The following ATP8A2 variants were observed in gnomAD, a reference collection of about 807,000 sequenced individuals.
The protein encoded by ATP8A2 is ATPase phospholipid transporting 8A2.
Under a neutral mutation model 165.6 loss-of-function variants are expected in ATP8A2, and 100 were observed. The ratio of observed to expected loss-of-function variants is 0.60; its 90% confidence interval spans 0.51 to 0.71. The LOEUF (loss-of-function observed/expected upper bound fraction) is 0.71. Ranked by LOEUF, ATP8A2 falls within the 30% of genes least tolerant of loss-of-function variation. The pLI, the probability that ATP8A2 is intolerant of heterozygous loss-of-function variation, is 0.00. For missense variants in ATP8A2, 1,227 were observed against 1,479.5 expected, an observed-to-expected ratio of 0.83 and a Z score of 2.80; for synonymous variants, 543 against 548.8, an observed-to-expected ratio of 0.99 and a Z score of 0.15.
At chr13:25,489,533 C>T (rs1401652767) in intron 2 of ATP8A2, among the ~76,000 whole-genome samples, 1 of 152,222 alleles carries the variant, frequency 6.6e-6, no homozygotes, top group South Asian at 2.1e-4. Context: ...GACTCTCCTG[C>T]TCTGCTGTGT....
At chr13:25,627,978 G>A (rs1300796587) in intron 24 of ATP8A2, among the ~76,000 whole-genome samples, 1 of 152,174 alleles carries the variant, frequency 6.6e-6, no homozygotes. Context: ...CTGAGTCTAT[G>A]GCTTGGGCTG....
At chr13:25,646,609 C>T (rs926402813) in intron 24 of ATP8A2, among the ~76,000 whole-genome samples, 8 of 141,018 alleles carry the variant, frequency 5.7e-5, no homozygotes, top group Admixed American at 1.5e-4. Context: ...GAGCCAAGAT[C>T]GTGCCTCTGT....
chr13:25,420,517 A>G (rs556367447), intron 1 of ATP8A2, among the ~76,000 whole-genome samples: 32 of 152,350 alleles, frequency 2.1e-4, no homozygotes, highest in African/African-American at 7.2e-4. Flanking sequence ...TTTGGTGACT[A>G]CAAAATAAAA....
At chr13:25,488,878 C>G (rs564357279) in intron 2 of ATP8A2, among the ~76,000 whole-genome samples, 269 of 111,638 alleles carry the variant, frequency 2.4e-3, no homozygotes, top group South Asian at 0.016. Flanking sequence ...CCCCACCCCC[C>G]ACCCCCCATT....
chr13:25,518,361 C>A (rs1007785436), intron 2 of ATP8A2, among the ~76,000 whole-genome samples: 2 of 152,070 alleles, frequency 1.3e-5, no homozygotes, highest in Admixed American at 6.6e-5. Flanking sequence ...CCGGTGGGGA[C>A]GCTTAAAGCC....
At chr13:25,771,621 T>G (rs2044621178) in intron 26 of ATP8A2, among the ~76,000 whole-genome samples, 1 of 152,220 alleles carries the variant, frequency 6.6e-6, no homozygotes, top group African/African-American at 2.4e-5. Context: ...GGAGCGAGGC[T>G]TTAAAACGCC....
intron 25 of ATP8A2, among the ~76,000 whole-genome samples, chr13:25,744,957 G>T (rs1294802057): frequency 6.7e-6 from 1 of 148,516 alleles, no homozygotes; most frequent in Non-Finnish European, 1.5e-5. Context: ...TTTCTTTTTT[G>T]AGATGGAGTC....
At chr13:25,736,776 A>T (rs2043779330) in intron 25 of ATP8A2, among the ~76,000 whole-genome samples, 1 of 152,122 alleles carries the variant, frequency 6.6e-6, no homozygotes, top group Admixed American at 6.5e-5. Flanking sequence ...GGTCTAGATG[A>T]TTATCAACAG....
chr13:25,450,586 C>T (rs971353204), intron 1 of ATP8A2, among the ~76,000 whole-genome samples: 7 of 152,168 alleles, frequency 4.6e-5, no homozygotes, highest in Admixed American at 1.3e-4. Context: ...GGCTGGAGTG[C>T]AGTGGTGTGA....
Position 25,827,087 on chromosome 13 carries a change from T to A in ATP8A2, c.2680-1031T>A, listed in dbSNP as rs552032846. On this transcript the variant is annotated intron_variant, in intron 27 of 36. Transcript: ENST00000381655. ...TTTCCTTTTCTGACAGTGTTTTTTG[T>A]TTTTTTTGTTTGTTTGTTTGTTTTG... Among the ~76,000 whole-genome samples the A allele has an allele frequency of 2.2e-3, 340 of 152,068 alleles. 2 individuals carry two copies. The highest frequency in any genetic ancestry group is 8.0e-3 in the African/African-American group (331 of 41,508).
chr13:25,964,421 G>A (rs577264971), intron 34 of ATP8A2, among the ~76,000 whole-genome samples: 92 of 152,230 alleles, frequency 6.0e-4, no homozygotes, highest in African/African-American at 2.1e-3. Flanking sequence ...CTCCAAACCC[G>A]AAGTATTTGT....
At chr13:25,521,554 A>G (rs1474172514) in intron 2 of ATP8A2, among the ~76,000 whole-genome samples, 3 of 152,154 alleles carry the variant, frequency 2.0e-5, no homozygotes, top group Non-Finnish European at 2.9e-5. Context: ...ATTTTTGTAT[A>G]ATGAGAGATA....
At chr13:26,015,505 C>T (rs1272102402) in intron 36 of ATP8A2, among the ~76,000 whole-genome samples, 3 of 152,050 alleles carry the variant, frequency 2.0e-5, no homozygotes, top group African/African-American at 4.8e-5. Flanking sequence ...GGAATCTTTC[C>T]AGACAGGAAA....
rs868590356 is a variant in ATP8A2 at position 25,883,243 on chromosome 13, G to A, written c.3183+20835G>A. On this transcript the variant is annotated intron_variant, in intron 33 of 36. Coordinates refer to ENST00000381655, the MANE Select transcript of ATP8A2 (RefSeq NM_016529.6). ...TGCTTTCTCTGCACTCTCAGAGCTC[G>A]CTGCATACTCTTATGAAAAAATACA... Among the ~76,000 whole-genome samples the A allele has an allele frequency of 4.6e-5, 7 of 152,094 alleles. 1 individual carries two copies. The South Asian group carries it at 1.2e-3, about 27-fold the overall frequency.
chr13:25,596,260 G>C (rs1428604747), intron 24 of ATP8A2, among the ~76,000 whole-genome samples: 1 of 152,152 alleles, frequency 6.6e-6, no homozygotes, highest in African/African-American at 2.4e-5. Flanking sequence ...ATAGGCAGTT[G>C]TTACAAATTG....
intron 25 of ATP8A2, among the ~76,000 whole-genome samples, chr13:25,707,543 A>C (rs1041291129): frequency 2.6e-5 from 4 of 152,238 alleles, no homozygotes; most frequent in African/African-American, 9.6e-5. Flanking sequence ...AATGTGGACA[A>C]ATATTTAGTA....
chr13:25,494,422 A>G (rs891001484), intron 2 of ATP8A2, among the ~76,000 whole-genome samples: 2 of 152,190 alleles, frequency 1.3e-5, no homozygotes, highest in Admixed American at 6.5e-5. Flanking sequence ...TGAAACAATC[A>G]TAAATATCTT....
intron 25 of ATP8A2, among the ~76,000 whole-genome samples, chr13:25,708,967 C>G (rs1441799530): frequency 6.6e-6 from 1 of 152,160 alleles, no homozygotes; most frequent in African/African-American, 2.4e-5. Flanking sequence ...CAGAGCTTTG[C>G]TGGGTCAGCA....
chr13:25,617,649 T>G (rs2040861247), intron 24 of ATP8A2, among the ~76,000 whole-genome samples: 2 of 152,208 alleles, frequency 1.3e-5, no homozygotes, highest in African/African-American at 4.8e-5. Context: ...TTATTGTGTT[T>G]TTTTGTTAGA....
Sources: gnomAD v4.1 joint callset for allele counts (sites outside exome capture counted in the v4.1 genomes callset) on GRCh38, gnomAD v4.1.1 for gene constraint, MANE v1.5 for transcripts, NCBI Gene and HGNC (gene_info 2026-07-23, HGNC 2026-07-21) for gene names.